The following GPC6 variants were observed in gnomAD, a reference collection of about 807,000 sequenced individuals.
The protein encoded by GPC6 is glypican 6.
Under a neutral mutation model 55.2 loss-of-function variants are expected in GPC6, and 14 were observed. That is an observed-to-expected ratio of 0.25 (90% CI 0.17 to 0.40). The LOEUF is 0.40. GPC6 is among the 10% of genes least tolerant of loss of function. The pLI is 1.00. For synonymous variants in GPC6, 278 were observed against 259.6 expected, an observed-to-expected ratio of 1.07 and a Z score of -0.68; for missense variants, 641 against 708.5, an observed-to-expected ratio of 0.90 and a Z score of 1.08.
chr13:94,127,540 T>C (rs1281962969), intron 4 of GPC6, among the ~76,000 whole-genome samples: 1 of 152,110 alleles, frequency 6.6e-6, no homozygotes, highest in African/African-American at 2.4e-5. Context: ...ATCAAACCTC[T>C]TTTCTTTATA....
intron 4 of GPC6, among the ~76,000 whole-genome samples, chr13:94,148,285 G>A (rs1887628597): frequency 6.6e-6 from 1 of 152,068 alleles, no homozygotes; most frequent in Non-Finnish European, 1.5e-5. Context: ...GAGTCATCTT[G>A]GAAACACTGC....
intron 4 of GPC6, among the ~76,000 whole-genome samples, chr13:94,044,192 A>G (rs1033289493): frequency 6.6e-6 from 1 of 151,764 alleles, no homozygotes; most frequent in African/African-American, 2.4e-5. Context: ...TTTGTGGTTT[A>G]TCTTTCCTGT....
chr13:94,144,553 G>A (rs9516358), intron 4 of GPC6, among the ~76,000 whole-genome samples: 1,876 of 20,354 alleles, frequency 0.092, 49 homozygotes, highest in African/African-American at 0.2. Context: ...GTGTATGTGT[G>A]TGTGTGTGTG....
intron 2 of GPC6, among the ~76,000 whole-genome samples, chr13:93,561,042 T>C (rs1875758374): frequency 6.6e-6 from 1 of 152,162 alleles, no homozygotes; most frequent in Admixed American, 6.5e-5. Flanking sequence ...ATAAGTAATA[T>C]AATGAAAGCA....
chr13:93,689,360 A>G (rs558184297), intron 2 of GPC6, among the ~76,000 whole-genome samples: 9 of 152,256 alleles, frequency 5.9e-5, no homozygotes, highest in Non-Finnish European at 1.3e-4. Context: ...GTTTGAAAAT[A>G]CAGATATGTA....
chr13:94,062,557 T>G (rs1354552283), intron 4 of GPC6, among the ~76,000 whole-genome samples: 1 of 152,178 alleles, frequency 6.6e-6, no homozygotes, highest in East Asian at 1.9e-4. Context: ...GGCCTTACCC[T>G]CTACATTTCT....
intron 3 of GPC6, among the ~76,000 whole-genome samples, chr13:93,831,816 C>T (rs774260604): frequency 3.3e-5 from 5 of 151,098 alleles, no homozygotes; most frequent in Non-Finnish European, 4.4e-5. Context: ...CTTTGCCGGG[C>T]GCGGTGGCTC....
intron 4 of GPC6, among the ~76,000 whole-genome samples, chr13:94,092,934 A>T (rs1429949691): frequency 6.6e-6 from 1 of 152,088 alleles, no homozygotes; most frequent in Non-Finnish European, 1.5e-5. Flanking sequence ...CTTTTGAGAA[A>T]TGTCCATTTT....
chr13:94,037,436 A>G (rs1423979487), intron 4 of GPC6, among the ~76,000 whole-genome samples: 2 of 151,928 alleles, frequency 1.3e-5, no homozygotes, highest in East Asian at 1.9e-4. Flanking sequence ...AGCAAGAGTT[A>G]TAAGAAATTC....
chr13:93,666,861 C>T (rs1049214227), intron 2 of GPC6, among the ~76,000 whole-genome samples: 2 of 152,014 alleles, frequency 1.3e-5, no homozygotes, highest in Non-Finnish European at 2.9e-5. Flanking sequence ...TGTCTGCTGA[C>T]CTTTAACTCT....
intron 4 of GPC6, among the ~76,000 whole-genome samples, chr13:94,104,598 G>A (rs1448418424): frequency 2.6e-5 from 4 of 152,138 alleles, no homozygotes; most frequent in Non-Finnish European, 4.4e-5. Flanking sequence ...ATCTTAAGCT[G>A]ATAAACAACT....
chr13:93,817,493 C>A (rs1886894017), intron 2 of GPC6, among the ~76,000 whole-genome samples: 1 of 152,092 alleles, frequency 6.6e-6, no homozygotes, highest in South Asian at 2.1e-4. Flanking sequence ...AAGCATCTTT[C>A]ATGTCACTAT....
At chr13:93,379,132 A>G (rs966988616) in intron 1 of GPC6, among the ~76,000 whole-genome samples, 2 of 152,168 alleles carry the variant, frequency 1.3e-5, no homozygotes, top group African/African-American at 4.8e-5. Flanking sequence ...ACCCTAGGAG[A>G]CAGTATCTTC....
chr13:93,996,853 A>T (rs1044400022), intron 3 of GPC6, among the ~76,000 whole-genome samples: 1 of 152,208 alleles, frequency 6.6e-6, no homozygotes, highest in Non-Finnish European at 1.5e-5. Context: ...ATAGTTATAC[A>T]TATAGAATTG....
At chr13:94,003,554 C>G (rs1428538982) in intron 3 of GPC6, among the ~76,000 whole-genome samples, 1 of 152,100 alleles carries the variant, frequency 6.6e-6, no homozygotes, top group Non-Finnish European at 1.5e-5. Context: ...AAAACAAGAC[C>G]TTTTTTGTTA....
chr13:93,994,699 T>C (rs1881460739), intron 3 of GPC6, among the ~76,000 whole-genome samples: 1 of 152,212 alleles, frequency 6.6e-6, no homozygotes, highest in South Asian at 2.1e-4. Flanking sequence ...TTGCTTGTCT[T>C]TGAGTTTAAA....
intron 4 of GPC6, among the ~76,000 whole-genome samples, chr13:94,205,277 T>G (rs1022516160): frequency 1.3e-5 from 2 of 152,326 alleles, no homozygotes; most frequent in African/African-American, 4.8e-5. Context: ...AAGGTTGCAC[T>G]TGAGGTCTCC....
intron 1 of GPC6, among the ~76,000 whole-genome samples, chr13:93,295,175 C>T (rs1323354624): frequency 6.8e-6 from 1 of 147,552 alleles, no homozygotes; most frequent in Admixed American, 6.8e-5. Context: ...GCCTGTAGTC[C>T]CAGTAGTCAG....
intron 1 of GPC6, among the ~76,000 whole-genome samples, chr13:93,315,172 A>G (rs1170832115): frequency 1.3e-5 from 2 of 152,128 alleles, no homozygotes; most frequent in Non-Finnish European, 2.9e-5. Flanking sequence ...AAATTTTAAA[A>G]CATTACATCC....
Sources: allele counts gnomAD v4.1 joint callset (sites outside exome capture counted in the v4.1 genomes callset), GRCh38; gene constraint gnomAD v4.1.1; transcripts MANE v1.5; gene names NCBI Gene and HGNC (gene_info 2026-07-23, HGNC 2026-07-21).